MEF2A: variants seen among roughly 807,000 people sequenced by gnomAD.
MEF2A encodes the protein myocyte enhancer factor 2A, also known as myocyte-specific enhancer factor 2A.
In MEF2A, 28 loss-of-function variants were observed where a neutral mutation model predicts 55.8. The observed-to-expected ratio is 0.50, with a 90% confidence interval of 0.37 to 0.69. MEF2A has a LOEUF of 0.69. Ranked by LOEUF, MEF2A falls within the 30% of genes least tolerant of loss-of-function variation. The pLI, the probability that MEF2A is intolerant of heterozygous loss-of-function variation, is 0.00. For synonymous variants in MEF2A, 239 were observed against 227.1 expected (o/e 1.05, Z -0.47); for missense variants, 528 against 626.2 (o/e 0.84, Z 1.67).
rs1038625608 is a variant in MEF2A at position 99,706,986 on chromosome 15, T to C, written c.1009+131T>C. ...CCAGTTTTTTAGATTTAAATTAGGA[T>C]GTATTTTTCAATGTGCTAGCCTTGA... On this transcript the variant is annotated intron_variant, in intron 10 of 11. Coordinates refer to ENST00000557942, the MANE Select transcript of MEF2A (RefSeq NM_001319206.4). 3 of 1,191,748 alleles carry C rather than the reference T, an allele frequency of 2.5e-6. No individual in the cohort carries two copies. The East Asian group carries it at 7.8e-5, about 31-fold the overall frequency. 73.8% of individuals were successfully genotyped at this position (1,191,748 alleles called of 1,614,324 possible). A position where few individuals can be genotyped will look rare whatever the true frequency, so the allele number is the denominator to read the frequency against.
At chr15:99,671,127 A>G (rs959822787) in intron 4 of MEF2A, among the ~76,000 whole-genome samples, 196 bp from the exon 5 acceptor site, 1 of 152,250 alleles carries the variant, frequency 6.6e-6, no homozygotes, top group South Asian at 2.1e-4. Flanking sequence ...TTAACATACA[A>G]TGGGAGAATT....
intron 2 of MEF2A, among the ~76,000 whole-genome samples, chr15:99,613,304 TTTAAA>T (rs1051842120): frequency 1.3e-5 from 2 of 152,232 alleles, no homozygotes; most frequent in African/African-American, 4.8e-5. Flanking sequence ...CCGGTGTTCT[TTTAAA>T]TTGAGAACCA....
At chr15:99,628,331 C>T (rs936942376) in intron 2 of MEF2A, among the ~76,000 whole-genome samples, 3 of 152,012 alleles carry the variant, frequency 2.0e-5, no homozygotes, top group African/African-American at 4.8e-5. Context: ...TCTGTATCCC[C>T]ATATTTAAGA....
At position 99,648,118 on chromosome 15, in the gene MEF2A, T is replaced by A. The variant is rs767567013; in HGVS notation, c.258+2354T>A. On this transcript the variant is annotated intron_variant, in intron 4 of 11. Coordinates refer to ENST00000557942, the MANE Select transcript of MEF2A (RefSeq NM_001319206.4). The stretch of plus-strand genomic sequence containing the variant: ...GTAATGAAGTTACTTACATAGAGCT[T>A]CCTATGGGTCTTAGTTTTTACAAAG... 1.5e-4 allele frequency among the ~76,000 whole-genome samples: 23 copies of A among 152,222 alleles called. 1 individual carries two copies. Among genetic ancestry groups the A allele is most frequent in the Non-Finnish European group, 3.1e-4 (21 of 68,032 alleles).
At chr15:99,708,778 C>G (rs1325948396) in intron 10 of MEF2A, among the ~76,000 whole-genome samples, 3 of 152,304 alleles carry the variant, frequency 2.0e-5, no homozygotes, top group African/African-American at 4.8e-5. Context: ...GGCTGTGTCT[C>G]AGCTCGGACA....
At chr15:99,629,176 T>C (rs964952637) in intron 2 of MEF2A, among the ~76,000 whole-genome samples, 16 of 152,318 alleles carry the variant, frequency 1.1e-4, no homozygotes, top group African/African-American at 3.8e-4. Context: ...GGCTCATGCC[T>C]GTAATCCCAA....
At chr15:99,629,464 G>T (rs181729036) in intron 2 of MEF2A, among the ~76,000 whole-genome samples, 1 of 152,084 alleles carries the variant, frequency 6.6e-6, no homozygotes, top group East Asian at 1.9e-4. Flanking sequence ...AACTAATCCC[G>T]GTTGGCTAAA....
At chr15:99,671,271 A>C in intron 4 of MEF2A, 52 bp from the exon 5 acceptor site, 1 of 1,569,654 alleles carries the variant, frequency 6.4e-7, no homozygotes, top group Admixed American at 1.9e-5. Context: ...TTACAGAAAA[A>C]CTCATGGCAA....
chr15:99,582,262 G>T, intron 1 of MEF2A, among the ~76,000 whole-genome samples: 1 of 152,024 alleles, frequency 6.6e-6, no homozygotes, highest in Non-Finnish European at 1.5e-5. Flanking sequence ...ATAGTGATAG[G>T]CTCATTCTTT....
At chr15:99,667,645 G>A (rs2053119) in intron 4 of MEF2A, among the ~76,000 whole-genome samples, 152,264 of 152,312 alleles carry the variant, frequency 1, 76,108 homozygotes, top group Non-Finnish European at 1. Flanking sequence ...TCAGACAAAT[G>A]TATAAGCCCA....
chr15:99,578,129 C>T (rs989157567), intron 1 of MEF2A, among the ~76,000 whole-genome samples: 7 of 152,220 alleles, frequency 4.6e-5, no homozygotes, highest in African/African-American at 1.7e-4. Flanking sequence ...TTCACTTCAG[C>T]ATTCATTGCT....
intron 2 of MEF2A, among the ~76,000 whole-genome samples, chr15:99,628,716 T>A (rs1460665896): frequency 6.6e-6 from 1 of 152,224 alleles, no homozygotes; most frequent in African/African-American, 2.4e-5. Flanking sequence ...GTACTATTAC[T>A]GTTATGTATT....
chr15:99,606,347 A>T (rs967413853), intron 2 of MEF2A, among the ~76,000 whole-genome samples: 1 of 150,124 alleles, frequency 6.7e-6, no homozygotes, highest in African/African-American at 2.4e-5. Context: ...AATATTTCTT[A>T]AAAAAAAAAT....
At position 99,659,771 on chromosome 15, in the gene MEF2A, G is replaced by A. The variant is rs140047035; in HGVS notation, c.259-11552G>A. ...TCACAACAGTACCATTTAGTTTTCC[G>A]TTCAGTGGCAATTTTGACATACTTT... On this transcript the variant is annotated intron_variant, in intron 4 of 11. Transcript: ENST00000557942. Among the ~76,000 whole-genome samples the A allele has an allele frequency of 2.2e-3, 329 of 152,218 alleles. 1 individual carries two copies. Among genetic ancestry groups the A allele is most frequent in the African/African-American group, 7.4e-3 (309 of 41,536 alleles).
At chr15:99,691,623 A>G (rs530662981) in intron 8 of MEF2A, among the ~76,000 whole-genome samples, 2 of 151,424 alleles carry the variant, frequency 1.3e-5, no homozygotes, top group African/African-American at 4.9e-5. Flanking sequence ...GTTTGAACCC[A>G]AGAGGTGGAG....
chr15:99,712,583 C>G lies in MEF2A; in HGVS notation c.1330C>G (p.Pro444Ala). 1 of 1,551,662 alleles carries G rather than the reference C, an allele frequency of 6.4e-7. No individual in the cohort carries two copies. The highest frequency in any genetic ancestry group is 8.7e-7 in the Non-Finnish European group (1 of 1,147,010). ...QPQPQPPQPQPRQEMGRSPVD... is the reference protein window; with the variant it reads ...QPQPQPPQPQARQEMGRSPVD... Reference sequence around the variant, plus strand: ...CCAGCCACAACCCCCGCAGCCCCAGCCCCGACAGGAAATGGGGCGCTCCCC... The same window carrying G: ...CCAGCCACAACCCCCGCAGCCCCAGGCCCGACAGGAAATGGGGCGCTCCCC... Residue 444 changes from proline to alanine, a missense_variant, in exon 12 of 12, where the codon CCC becomes GCC. Around this residue, in one of 2 missense-constraint regions of MEF2A, gnomAD observed 450 missense variants for 475.3 expected, o/e 0.95. Coordinates refer to ENST00000557942, the MANE Select transcript of MEF2A (RefSeq NM_001319206.4). This position sits in a 1 kb window ranked among gnomAD's most constrained non-coding sequence, Gnocchi z 4.1.
chr15:99,657,024 G>T (rs2047850956), intron 4 of MEF2A, among the ~76,000 whole-genome samples: 1 of 152,020 alleles, frequency 6.6e-6, no homozygotes, highest in South Asian at 2.1e-4. Context: ...GGATTTACCT[G>T]TTCTGGGAAT....
At chr15:99,676,140 ATATT>A (rs1035882666) in intron 7 of MEF2A, among the ~76,000 whole-genome samples, 8 of 152,226 alleles carry the variant, frequency 5.3e-5, no homozygotes, top group African/African-American at 1.4e-4. Flanking sequence ...AAGTTACAAA[ATATT>A]TAATGACAAA....
chr15:99,589,490 A>T (rs1968527326), intron 1 of MEF2A, among the ~76,000 whole-genome samples: 1 of 152,030 alleles, frequency 6.6e-6, no homozygotes, highest in South Asian at 2.1e-4. Context: ...AGTTTGTCCC[A>T]CATCTCTGTT....
Sources: allele counts gnomAD v4.1 joint callset (sites outside exome capture counted in the v4.1 genomes callset), GRCh38; gene constraint gnomAD v4.1.1; regional missense constraint gnomAD v4.1.1; non-coding constraint Gnocchi (gnomAD v3.1); transcripts MANE v1.5; gene names NCBI Gene and HGNC (gene_info 2026-07-23, HGNC 2026-07-21).